USP22: variants seen among roughly 807,000 people sequenced by gnomAD.
The protein encoded by USP22 is ubiquitin carboxyl-terminal hydrolase 22.
A neutral mutation model predicts 68.1 loss-of-function variants in USP22; 22 were observed. The observed-to-expected ratio is 0.32, with a 90% CI of 0.23 to 0.46. The LOEUF (loss-of-function observed/expected upper bound fraction) is 0.46. Ranked by LOEUF, USP22 falls within the 20% of genes least tolerant of loss-of-function variation. The pLI, the probability that USP22 is intolerant of heterozygous loss-of-function variation, is 1.00. For missense variants in USP22, 433 were observed against 695.8 expected, an observed-to-expected ratio of 0.62 and a Z score of 4.25; for synonymous variants, 279 against 274.2, an observed-to-expected ratio of 1.02 and a Z score of -0.17.
chr17:21,028,026 T>C (rs1972243774), intron 2 of USP22, among the ~76,000 whole-genome samples: 1 of 152,128 alleles, frequency 6.6e-6, no homozygotes, highest in African/African-American at 2.4e-5. Flanking sequence ...GAATGTAGAA[T>C]GAGTTTGATT....
Position 21,004,784 on chromosome 17 carries a change from CAG to C in USP22, c.1385+142_1385+143del. ...CGGCCTTTCCTAGTGGAGCTGCGGG[CAG>C]CCAATAGTGGAGCTGCGGGCAGCCA... On this transcript the variant is annotated intron_variant, in intron 11 of 12. Transcript: ENST00000261497. The C allele has an allele frequency of 1.1e-4, 16 of 146,920 alleles. 7 individuals are homozygous for C. Among genetic ancestry groups the C allele is most frequent in the Non-Finnish European group, 1.5e-4 (11 of 74,156 alleles). The allele number at this position is 146,920 out of a possible 1,614,324, so 9.1% of individuals were successfully genotyped here.
At chr17:21,020,244 C>CAAAAAAAAAAACAAAAA (rs1972136476) in intron 3 of USP22, among the ~76,000 whole-genome samples, 3 of 73,250 alleles carry the variant, frequency 4.1e-5, no homozygotes, top group African/African-American at 5.2e-5. Context: ...AATCAAAAAC[C>CAAAAAAAAAAACAAAAA]AAAAAAAAAA....
chr17:21,043,299 A>ACCCCCCCCCCCCCCCCCCCCCCCCC (rs764623373), upstream of USP22: 3 of 11,524 alleles, frequency 2.6e-4, 1 homozygote, highest in African/African-American at 1.1e-3. Context: ...GTAGTAGGCC[A>ACCCCCCCCCCCCCCCCCCCCCCCCC]CCCCCCCCCC....
chr17:21,035,924 G>C (rs1160159518), intron 1 of USP22, among the ~76,000 whole-genome samples: 1 of 151,256 alleles, frequency 6.6e-6, no homozygotes, highest in Non-Finnish European at 1.5e-5. Flanking sequence ...CCAGTTACTC[G>C]GGAGGCTGAG....
intron 12 of USP22, among the ~76,000 whole-genome samples, chr17:21,003,775 C>T (rs150210774): frequency 1.2e-4 from 18 of 148,384 alleles, no homozygotes; most frequent in African/African-American, 4.3e-4. Flanking sequence ...TGGTGCATGC[C>T]TATAATCCCA....
intron 6 of USP22, among the ~76,000 whole-genome samples, chr17:21,015,255 A>G (rs933651019): frequency 6.6e-6 from 1 of 152,244 alleles, no homozygotes; most frequent in African/African-American, 2.4e-5. Flanking sequence ...GAGATGGCCC[A>G]GGTCCAATGA....
At chr17:21,019,972 T>G (rs1024549190) in intron 3 of USP22, among the ~76,000 whole-genome samples, 6 of 152,190 alleles carry the variant, frequency 3.9e-5, no homozygotes, top group Admixed American at 1.3e-4. Context: ...GAGATTGCTC[T>G]CCAGAGAAGA....
At chr17:21,011,447 G>A in intron 7 of USP22, 138 bp from the exon 8 acceptor site, 1 of 1,151,166 alleles carries the variant, frequency 8.7e-7, no homozygotes. Context: ...GATGGGGCAG[G>A]AGCAAGAGCA....
intron 7 of USP22, 24 bp downstream of exon 7, chr17:21,012,806 C>T (rs1454294184): frequency 1.2e-6 from 2 of 1,606,376 alleles, no homozygotes; most frequent in Non-Finnish European, 8.5e-7. Flanking sequence ...TTTGATATTG[C>T]CGAGCACGCA....
rs970401728 is a variant in USP22 at position 21,042,903 on chromosome 17, T to TG, written c.-69dup. 1.8e-6 allele frequency: 2 copies of TG among 1,089,522 alleles called. No individual in the cohort carries two copies. The highest frequency in any genetic ancestry group is 4.5e-5 in the Admixed American group (1 of 22,394). 67.5% of individuals were successfully genotyped at this position (1,089,522 alleles called of 1,614,324 possible). Reference sequence around the variant, plus strand: ...AGGCGAGGACGACGCCAGCGCGGCGTGGGGGCTGCTCGGCGGCTGGCCAGG... The same window carrying TG: ...AGGCGAGGACGACGCCAGCGCGGCGTGGGGGGCTGCTCGGCGGCTGGCCAGG... On this transcript the variant is annotated 5_prime_UTR_variant, in exon 1 of 13. Transcript: ENST00000261497.
intron 2 of USP22, among the ~76,000 whole-genome samples, chr17:21,024,880 G>A (rs1342894653): frequency 6.6e-6 from 1 of 152,174 alleles, no homozygotes; most frequent in African/African-American, 2.4e-5. Context: ...AGGTTGGGAG[G>A]ATCACTTCAG....
rs192148985 is a variant in USP22, at chr17:21,011,013, T to C, written c.1103+138A>G. 4.1e-6 allele frequency: 5 copies of C among 1,213,368 alleles called. No homozygotes were observed. In the East Asian group the frequency reaches 1.1e-4, roughly 28 times the overall value. 75.2% of individuals were successfully genotyped at this position (1,213,368 alleles called of 1,614,324 possible). On this transcript the variant is annotated intron_variant, in intron 8 of 12. Coordinates refer to ENST00000261497, the MANE Select transcript of USP22 (RefSeq NM_015276.2). ...CAAAGGACAAACTAGCACAAGAGAC[T>C]GCAGCCAATCCAGGCTCATGCTGCA...
At chr17:21,003,591 A>C (rs926415981) in intron 12 of USP22, among the ~76,000 whole-genome samples, 1 of 152,190 alleles carries the variant, frequency 6.6e-6, no homozygotes, top group Non-Finnish European at 1.5e-5. Context: ...GAAACTGGAA[A>C]GGAGAGGAGC....
chr17:21,005,013 T>C, intron 10 of USP22, 23 bp from the exon 11 acceptor site: 1 of 1,613,172 alleles, frequency 6.2e-7, no homozygotes, highest in Non-Finnish European at 8.5e-7. Flanking sequence ...ACGGCAGGAT[T>C]CAGCATCATT....
In USP22 at chr17:21,027,292, C is replaced by CAA. The variant is rs71357459; in HGVS notation, c.304+1248_304+1249dup. The stretch of plus-strand genomic sequence containing the variant: ...TCCAGACAAAGCGAGACCCTGTCTC[C>CAA]AAAAAAAAAAAAAAAAAATCAGACA... On this transcript the variant is annotated intron_variant, in intron 2 of 12. Coordinates refer to ENST00000261497, the MANE Select transcript of USP22 (RefSeq NM_015276.2). Among the ~76,000 whole-genome samples the CAA allele has an allele frequency of 1.9e-3, 138 of 72,280 alleles. 1 individual carries two copies. Among genetic ancestry groups the CAA allele is most frequent in the African/African-American group, 6.3e-3 (126 of 20,030 alleles). 47.4% of individuals were successfully genotyped at this position (72,280 alleles called of 152,430 possible).
At chr17:21,019,248 A>G in intron 3 of USP22, 63 bp from the exon 4 acceptor site, 1 of 1,522,612 alleles carries the variant, frequency 6.6e-7, no homozygotes, top group Non-Finnish European at 9.1e-7. Context: ...GTGTGTTTAC[A>G]CATAAAAGCT....
intron 1 of USP22, among the ~76,000 whole-genome samples, chr17:21,034,284 T>C (rs1371702238): frequency 2.6e-5 from 4 of 152,150 alleles, no homozygotes; most frequent in South Asian, 2.1e-4. Flanking sequence ...ACTGACCTCA[T>C]TTCAAGGCTG....
intron 1 of USP22, among the ~76,000 whole-genome samples, chr17:21,036,203 G>A (rs769251887): frequency 9.2e-4 from 140 of 152,096 alleles, no homozygotes; most frequent in Non-Finnish European, 1.7e-3. Flanking sequence ...ACCAGTGGTT[G>A]TGGAGAGTTA....
At chr17:21,011,358 C>A (rs767492954) in intron 7 of USP22, 49 bp from the exon 8 acceptor site, 115 of 1,548,566 alleles carry the variant, frequency 7.4e-5, no homozygotes, top group Non-Finnish European at 9.2e-5. Context: ...ACCCACCCAG[C>A]TCCAGAGGCA....
Sources: allele counts gnomAD v4.1 joint callset (sites outside exome capture counted in the v4.1 genomes callset), GRCh38; gene constraint gnomAD v4.1.1; transcripts MANE v1.5; gene names NCBI Gene and HGNC (gene_info 2026-07-23, HGNC 2026-07-21).